TULP4: variants seen among roughly 807,000 people sequenced by gnomAD.
The protein encoded by TULP4 is tubby-related protein 4.
TULP4 carries 16 observed loss-of-function variants against 129.0 expected under a neutral mutation model. The observed-to-expected ratio is 0.12, with a 90% confidence interval of 0.08 to 0.19. TULP4 has a LOEUF of 0.19. Among genes scored for constraint, TULP4 ranks in the 10% least tolerant of loss-of-function variants. The pLI is 1.00. For missense variants in TULP4, 1,842 were observed against 2,059.1 expected (o/e 0.89, Z 2.04); for synonymous variants, 998 against 854.0 (o/e 1.17, Z -2.94).
rs529393167 is a variant in TULP4 at position 158,269,100 on chromosome 6, AT to A, written n.68+36804del. On this transcript the variant is annotated intron_variant and non_coding_transcript_variant, in intron 1 of 1. Transcript: ENST00000620026. ...ATTAAATTTGGGTTTGCCATTTATT[AT>A]TTTTTTCTAGAAATTCTCGAGTCTG... Among the ~76,000 whole-genome samples, 99 of 152,188 alleles carry A rather than the reference AT, an allele frequency of 6.5e-4. 1 individual carries two copies. The highest frequency in any genetic ancestry group is 2.0e-3 in the African/African-American group (85 of 41,530).
At chr6:158,274,694 C>A (rs6912265) in intron 1 of TULP4, among the ~76,000 whole-genome samples, 2 of 152,018 alleles carry the variant, frequency 1.3e-5, no homozygotes, top group Admixed American at 6.6e-5. Flanking sequence ...GGAGAATGGC[C>A]TGAACCCAGG....
At chr6:158,414,359 G>A (rs1778159373) in intron 2 of TULP4, among the ~76,000 whole-genome samples, 2 of 101,634 alleles carry the variant, frequency 2.0e-5, no homozygotes. Flanking sequence ...TCTGGAATCA[G>A]ACAATGTAGG....
chr6:158,395,096 C>G (rs529659053), intron 1 of TULP4, among the ~76,000 whole-genome samples: 112 of 152,288 alleles, frequency 7.4e-4, no homozygotes, highest in African/African-American at 2.6e-3. Context: ...CACCAGGTCC[C>G]TCCTCCAATT....
rs540980435 is a variant in TULP4, at chr6:158,475,666, C to T, written c.1027-4085C>T. On this transcript the variant is annotated intron_variant, in intron 6 of 13. Coordinates refer to ENST00000367097, the MANE Select transcript of TULP4 (RefSeq NM_020245.5). ...AGCATGGGTGAGGTCTGTGGGCCTG[C>T]AGACAGTGTGTTCATGTTCTGCCAT... Among the ~76,000 whole-genome samples, 28 of 152,240 alleles carry T rather than the reference C, an allele frequency of 1.8e-4. No homozygotes were observed. In the South Asian group the frequency reaches 4.6e-3, roughly 25 times the overall value.
At chr6:158,368,066 CAAAAAAAAAAA>C (rs3085241) in intron 1 of TULP4, among the ~76,000 whole-genome samples, 2 of 65,010 alleles carry the variant, frequency 3.1e-5, no homozygotes, top group East Asian at 4.5e-4. Flanking sequence ...ACCCTGTCTC[CAAAAAAAAAAA>C]AAAAAAAAAA....
At chr6:158,440,672 G>A (rs1778872523) in intron 3 of TULP4, among the ~76,000 whole-genome samples, 1 of 152,224 alleles carries the variant, frequency 6.6e-6, no homozygotes, top group African/African-American at 2.4e-5. Flanking sequence ...ATCACAGTTA[G>A]GAGAATGAAT....
chr6:158,429,063 G>GC (rs555928632), intron 2 of TULP4, among the ~76,000 whole-genome samples: 124 of 152,084 alleles, frequency 8.2e-4, no homozygotes, highest in African/African-American at 2.9e-3. Context: ...GCTCACTAAG[G>GC]CCTCAACCTC....
rs1242045230 is a variant in TULP4, at chr6:158,250,157, C to CT, written n.68+17868dup. ...AGTTAAAATGCATTTCTTTTCTTTT[C>CT]TTTTTTTTTTTTTTGTTTTGAGACG... On this transcript the variant is annotated intron_variant and non_coding_transcript_variant, in intron 1 of 1. Transcript: ENST00000620026. 5.0e-3 allele frequency among the ~76,000 whole-genome samples: 697 copies of CT among 139,816 alleles called. 4 individuals are homozygous for CT. The highest frequency in any genetic ancestry group is 0.011 in the South Asian group (48 of 4,358). The allele number at this position is 139,816 out of a possible 152,430, so 91.7% of individuals were successfully genotyped here.
chr6:158,240,015 G>A (rs1292678401), intron 1 of TULP4, among the ~76,000 whole-genome samples: 2 of 107,104 alleles, frequency 1.9e-5, no homozygotes, highest in African/African-American at 6.2e-5. Flanking sequence ...CCTCCCTCCC[G>A]GACGGGGCGG....
At chr6:158,299,319 A>G (rs1033093291) in intron 1 of TULP4, among the ~76,000 whole-genome samples, 2 of 152,168 alleles carry the variant, frequency 1.3e-5, no homozygotes, top group African/African-American at 2.4e-5. Flanking sequence ...TGCCCAGTCT[A>G]TTACTAAACC....
chr6:158,425,348 G>C (rs962696780), intron 2 of TULP4, among the ~76,000 whole-genome samples: 2 of 150,186 alleles, frequency 1.3e-5, no homozygotes, highest in African/African-American at 2.4e-5. Context: ...ACCTCGTCTC[G>C]ACTAAAAATA....
chr6:158,296,425 C>T (rs564295853), intron 1 of TULP4, among the ~76,000 whole-genome samples: 3 of 151,880 alleles, frequency 2.0e-5, no homozygotes, highest in Admixed American at 1.3e-4. Flanking sequence ...ACTGTGATGC[C>T]TGCCTGAGCC....
intron 6 of TULP4, among the ~76,000 whole-genome samples, chr6:158,467,881 G>C (rs1338934322): frequency 1.3e-5 from 2 of 152,186 alleles, no homozygotes; most frequent in Non-Finnish European, 2.9e-5. Context: ...AATACTGGTT[G>C]AATGAATCAG....
intron 1 of TULP4, among the ~76,000 whole-genome samples, chr6:158,340,077 T>A (rs1337624760): frequency 6.6e-6 from 1 of 152,190 alleles, no homozygotes; most frequent in African/African-American, 2.4e-5. Context: ...TTAGTTGATG[T>A]GGATCTGCTC....
rs543033116 is a variant in TULP4 at position 158,390,761 on chromosome 6, C to T, written c.253-22304C>T. Among the ~76,000 whole-genome samples the T allele has an allele frequency of 2.0e-5, 3 of 152,300 alleles. No individual in the cohort carries two copies. In the South Asian group the frequency reaches 6.2e-4, roughly 32 times the overall value. ...GAAGTCTCAAGAACAAAGAATTTTA[C>T]TCAATGAACATATTTGCTTATTTTG... is the stretch of plus-strand genomic sequence containing the variant. On this transcript the variant is annotated intron_variant, in intron 1 of 13. Transcript: ENST00000367097.
Position 158,313,922 on chromosome 6 carries a change from C to A in TULP4, c.-95C>A. The A allele has an allele frequency of 6.9e-7, 1 of 1,454,532 alleles. No homozygotes were observed. The highest frequency in any genetic ancestry group is 9.2e-7 in the Non-Finnish European group (1 of 1,087,112). The allele number at this position is 1,454,532 out of a possible 1,614,324, so 90.1% of individuals were successfully genotyped here. A position where few individuals can be genotyped will look rare whatever the true frequency, so the allele number is the denominator to read the frequency against. ...TAAAGGGGGAAAAAAGCAACGCAAG[C>A]CAACCACAAAAACACATATACCAAT... On this transcript the variant is annotated 5_prime_UTR_variant, in exon 1 of 14. Coordinates refer to ENST00000367097, the MANE Select transcript of TULP4 (RefSeq NM_020245.5).
At chr6:158,318,187 T>C (rs558371434) in intron 1 of TULP4, among the ~76,000 whole-genome samples, 113 of 152,286 alleles carry the variant, frequency 7.4e-4, no homozygotes, top group African/African-American at 2.5e-3. Context: ...TGGCTGGGCA[T>C]GGTGGCACAT....
In TULP4 at chr6:158,390,087, T is replaced by A. The variant is rs541610676; in HGVS notation, c.253-22978T>A. The stretch of plus-strand genomic sequence containing the variant: ...CTCCGTCTCAAAAAAAAAAAAAAAA[T>A]TTAAATTACGTAAGTCATTTATGTG... On this transcript the variant is annotated intron_variant, in intron 1 of 13. Transcript: ENST00000367097. Among the ~76,000 whole-genome samples the A allele has an allele frequency of 1.9e-3, 284 of 151,404 alleles. 2 individuals carry two copies. The highest frequency in any genetic ancestry group is 6.2e-3 in the African/African-American group (254 of 41,296).
chr6:158,295,476 TA>T (rs146813318), intron 1 of TULP4, among the ~76,000 whole-genome samples: 9 of 148,264 alleles, frequency 6.1e-5, no homozygotes, highest in African/African-American at 1.5e-4. Flanking sequence ...ATTCTCAAAT[TA>T]AAAAAAAAAC....
Sources: gnomAD v4.1 joint callset for allele counts (sites outside exome capture counted in the v4.1 genomes callset) on GRCh38, gnomAD v4.1.1 for gene constraint, MANE v1.5 for transcripts, NCBI Gene and HGNC (gene_info 2026-07-23, HGNC 2026-07-21) for gene names.